GSK3B: variants seen among roughly 807,000 people sequenced by gnomAD.
GSK3B encodes the protein glycogen synthase kinase-3 beta.
In GSK3B, 15 loss-of-function variants were observed where a neutral mutation model predicts 56.4. The observed-to-expected ratio is 0.27, with a 90% CI of 0.18 to 0.41. The LOEUF (loss-of-function observed/expected upper bound fraction) is 0.41, where lower values mean the gene tolerates loss of function less well. Among genes scored for constraint, GSK3B ranks in the 10% least tolerant of loss-of-function variants. The pLI is 1.00. For synonymous variants in GSK3B, 181 were observed against 188.9 expected, an observed-to-expected ratio of 0.96 and a Z score of 0.34; for missense variants, 300 against 513.4, an observed-to-expected ratio of 0.58 and a Z score of 4.02.
intron 2 of GSK3B, among the ~76,000 whole-genome samples, chr3:119,990,323 C>T (rs1179520045): frequency 6.6e-6 from 1 of 152,100 alleles, no homozygotes; most frequent in Non-Finnish European, 1.5e-5. Context: ...TTGTGATAAG[C>T]CCCCTCACCC....
intron 10 of GSK3B, among the ~76,000 whole-genome samples, chr3:119,842,414 A>G (rs1359821928): frequency 6.6e-6 from 1 of 152,196 alleles, no homozygotes; most frequent in Non-Finnish European, 1.5e-5. Flanking sequence ...TGATTAAAAA[A>G]ATGATTAAAT....
At chr3:119,997,683 G>A (rs2057633180) in intron 2 of GSK3B, among the ~76,000 whole-genome samples, 1 of 152,024 alleles carries the variant, frequency 6.6e-6, no homozygotes, top group Non-Finnish European at 1.5e-5. Context: ...GAAAAAACAA[G>A]GAACACTCAA....
intron 7 of GSK3B, among the ~76,000 whole-genome samples, chr3:119,880,326 T>G (rs1206731260): frequency 6.6e-6 from 1 of 152,210 alleles, no homozygotes; most frequent in East Asian, 1.9e-4. Context: ...ATTAGATATT[T>G]TTCCTATAAA....
At chr3:119,828,998 G>C (rs1006686828) in intron 10 of GSK3B, among the ~76,000 whole-genome samples, 1 of 152,210 alleles carries the variant, frequency 6.6e-6, no homozygotes, top group African/African-American at 2.4e-5. Flanking sequence ...CAGGTGGCAG[G>C]AAAGGGTATA....
chr3:119,991,492 C>T (rs2057564832), intron 2 of GSK3B, among the ~76,000 whole-genome samples: 1 of 140,646 alleles, frequency 7.1e-6, no homozygotes, highest in African/African-American at 2.7e-5. Context: ...ACCATTATCT[C>T]TCATCTTTAC....
At chr3:120,011,161 T>G (rs1181597589) in intron 1 of GSK3B, among the ~76,000 whole-genome samples, 4 of 152,198 alleles carry the variant, frequency 2.6e-5, no homozygotes, top group African/African-American at 9.7e-5. Flanking sequence ...CCAAAAATTA[T>G]GTTTTTCTAC....
At chr3:120,010,870 C>G (rs142012926) in intron 1 of GSK3B, among the ~76,000 whole-genome samples, 151 of 152,308 alleles carry the variant, frequency 9.9e-4, no homozygotes, top group African/African-American at 3.4e-3. Context: ...CAGTTCAAGA[C>G]CAGCCTGGCC....
chr3:119,875,194 GAAAT>G (rs1458669526), intron 8 of GSK3B, among the ~76,000 whole-genome samples: 1 of 151,750 alleles, frequency 6.6e-6, no homozygotes, highest in Non-Finnish European at 1.5e-5. Flanking sequence ...TTCTAAATAG[GAAAT>G]AAATAATTAG....
intron 2 of GSK3B, among the ~76,000 whole-genome samples, chr3:119,983,531 GA>G (rs60451245): frequency 0.021 from 2,607 of 126,612 alleles, 57 homozygotes; most frequent in African/African-American, 0.059. Flanking sequence ...CAAATGGAGA[GA>G]AAAAAAAAAA....
At chr3:119,934,040 G>A (rs1166853424) in intron 3 of GSK3B, among the ~76,000 whole-genome samples, 1 of 152,136 alleles carries the variant, frequency 6.6e-6, no homozygotes, top group Non-Finnish European at 1.5e-5. Context: ...ATTAATACAT[G>A]GGGGAAAAGA....
At chr3:119,831,669 A>T (rs915763817) in intron 10 of GSK3B, among the ~76,000 whole-genome samples, 7 of 152,100 alleles carry the variant, frequency 4.6e-5, no homozygotes, top group Non-Finnish European at 1.0e-4. Flanking sequence ...AAAAAAAAAA[A>T]AATAAGAGAA....
intron 1 of GSK3B, among the ~76,000 whole-genome samples, chr3:120,016,159 G>C (rs1444507752): frequency 3.9e-5 from 6 of 152,146 alleles, no homozygotes; most frequent in Non-Finnish European, 7.4e-5. Flanking sequence ...TTTACAGTTT[G>C]CAAGCACCAC....
chr3:119,848,422 T>G (rs1211450340), intron 9 of GSK3B, among the ~76,000 whole-genome samples: 1 of 124,690 alleles, frequency 8.0e-6, no homozygotes, highest in Non-Finnish European at 1.9e-5. Flanking sequence ...AAGAAAAGCT[T>G]TTTTTTTTAA....
chr3:120,037,885 A>G (rs1382569849), intron 1 of GSK3B, among the ~76,000 whole-genome samples: 4 of 152,188 alleles, frequency 2.6e-5, no homozygotes, highest in Non-Finnish European at 5.9e-5. Context: ...ACACTATTAT[A>G]TTTTCCTGTA....
intron 1 of GSK3B, among the ~76,000 whole-genome samples, chr3:120,010,894 A>AT: frequency 6.6e-6 from 1 of 152,166 alleles, no homozygotes. Context: ...ATGGCAAAAC[A>AT]TTGTCTCTAC....
At chr3:119,828,441 T>C (rs536148140) in intron 10 of GSK3B, among the ~76,000 whole-genome samples, 4 of 152,346 alleles carry the variant, frequency 2.6e-5, no homozygotes, top group South Asian at 4.1e-4. Context: ...GTAGCTTGAC[T>C]GGGATGGGCA....
chr3:120,082,540 C>T (rs1285446996), intron 1 of GSK3B, among the ~76,000 whole-genome samples: 4 of 151,738 alleles, frequency 2.6e-5, no homozygotes, highest in Middle Eastern at 3.4e-3. Flanking sequence ...GGATTATAGG[C>T]GTCTGCCACC....
chr3:119,859,036 C>A, intron 9 of GSK3B, among the ~76,000 whole-genome samples: 1 of 151,898 alleles, frequency 6.6e-6, no homozygotes, highest in Non-Finnish European at 1.5e-5. Flanking sequence ...AATGAAAAAG[C>A]TCTAAATATT....
intron 1 of GSK3B, among the ~76,000 whole-genome samples, chr3:120,078,754 T>C (rs532696164): frequency 5.7e-4 from 86 of 149,638 alleles, no homozygotes; most frequent in African/African-American, 1.6e-3. Context: ...GGTTTCTCCA[T>C]GTTAGCCAGG....
Sources: gnomAD v4.1 joint callset for allele counts (sites outside exome capture counted in the v4.1 genomes callset) on GRCh38, gnomAD v4.1.1 for gene constraint, MANE v1.5 for transcripts, NCBI Gene and HGNC (gene_info 2026-07-23, HGNC 2026-07-21) for gene names.